Variants in MDGA2 observed in about 807,000 individuals in gnomAD.
MDGA2 encodes MAM domain containing glycosylphosphatidylinositol anchor 2.
MDGA2 carries 40 observed loss-of-function variants against 117.8 expected under a neutral mutation model. The ratio of observed to expected loss-of-function variants is 0.34; its 90% CI spans 0.26 to 0.44. MDGA2 has a LOEUF of 0.44. Among genes scored for constraint, MDGA2 ranks in the 20% least tolerant of loss-of-function variants. The pLI is 1.00. For missense variants in MDGA2, 1,123 were observed against 1,250.6 expected, an observed-to-expected ratio of 0.90 and a Z score of 1.54; for synonymous variants, 452 against 439.0, an observed-to-expected ratio of 1.03 and a Z score of -0.37.
intron 10 of MDGA2, among the ~76,000 whole-genome samples, chr14:46,914,738 T>G (rs1312638666): frequency 6.6e-6 from 1 of 152,114 alleles, no homozygotes; most frequent in East Asian, 1.9e-4. Flanking sequence ...GAATCGAATT[T>G]GTTTTCAGAC....
chr14:46,888,397 C>T (rs1392070141), intron 10 of MDGA2, among the ~76,000 whole-genome samples: 1 of 151,784 alleles, frequency 6.6e-6, no homozygotes, highest in Non-Finnish European at 1.5e-5. Context: ...AGTGTTAAAC[C>T]ATTTTCTTCA....
At chr14:47,050,398 T>C (rs1005621170) in intron 7 of MDGA2, among the ~76,000 whole-genome samples, 1 of 152,082 alleles carries the variant, frequency 6.6e-6, no homozygotes, top group African/African-American at 2.4e-5. Context: ...TTCTGTCTAC[T>C]TGTAACTTAC....
chr14:47,062,143 GA>G (rs1424485191), intron 6 of MDGA2, among the ~76,000 whole-genome samples: 1 of 151,952 alleles, frequency 6.6e-6, no homozygotes, highest in African/African-American at 2.4e-5. Context: ...AATCTGAACT[GA>G]AAAAGAAAAC....
chr14:47,030,239 G>A (rs191863349), intron 8 of MDGA2, among the ~76,000 whole-genome samples: 6 of 152,014 alleles, frequency 3.9e-5, no homozygotes, highest in East Asian at 3.9e-4. Flanking sequence ...TTGTTCAGGC[G>A]CAGTGACTCA....
At chr14:47,142,359 G>A (rs1241980498) in intron 4 of MDGA2, among the ~76,000 whole-genome samples, 3 of 152,138 alleles carry the variant, frequency 2.0e-5, no homozygotes, top group Middle Eastern at 3.4e-3. Flanking sequence ...CATGAGAAAC[G>A]CTTAAACCCT....
chr14:47,075,674 T>C (rs900673412), intron 6 of MDGA2, among the ~76,000 whole-genome samples: 5 of 152,168 alleles, frequency 3.3e-5, no homozygotes, highest in African/African-American at 1.2e-4. Flanking sequence ...ATAAAACATT[T>C]ATACACATTT....
At chr14:47,114,102 A>G (rs1187947090) in intron 5 of MDGA2, among the ~76,000 whole-genome samples, 2 of 152,152 alleles carry the variant, frequency 1.3e-5, no homozygotes, top group Non-Finnish European at 2.9e-5. Context: ...AAGCATTCCT[A>G]TACAGAAACA....
At chr14:47,627,200 G>A (rs1467057011) in intron 1 of MDGA2, among the ~76,000 whole-genome samples, 1 of 151,958 alleles carries the variant, frequency 6.6e-6, no homozygotes, top group Non-Finnish European at 1.5e-5. Flanking sequence ...AGCACCCCGT[G>A]CCTAGCTCAG....
intron 3 of MDGA2, among the ~76,000 whole-genome samples, chr14:47,156,714 A>C (rs1303040648): frequency 6.6e-6 from 1 of 152,236 alleles, no homozygotes; most frequent in Non-Finnish European, 1.5e-5. Flanking sequence ...AGACACACTA[A>C]AAACTATATT....
chr14:47,121,404 G>T (rs997958192), intron 5 of MDGA2, among the ~76,000 whole-genome samples: 14 of 151,668 alleles, frequency 9.2e-5, no homozygotes, highest in South Asian at 2.1e-4. Context: ...TACATTAAAT[G>T]GATATACAAT....
intron 1 of MDGA2, among the ~76,000 whole-genome samples, chr14:47,441,169 G>A (rs1893003695): frequency 1.3e-5 from 2 of 152,136 alleles, no homozygotes; most frequent in Admixed American, 1.3e-4. Context: ...AGCTCTTGAT[G>A]AGATCCTTTA....
chr14:47,309,646 T>C (rs1306245476), intron 1 of MDGA2, among the ~76,000 whole-genome samples: 1 of 152,100 alleles, frequency 6.6e-6, no homozygotes, highest in Non-Finnish European at 1.5e-5. Flanking sequence ...TTATTAACGT[T>C]TGCTAAATAA....
At chr14:47,356,910 G>C (rs1201511357) in intron 1 of MDGA2, among the ~76,000 whole-genome samples, 2 of 152,170 alleles carry the variant, frequency 1.3e-5, no homozygotes, top group African/African-American at 4.8e-5. Flanking sequence ...AATTTGGTAA[G>C]AGATAAACAA....
intron 1 of MDGA2, among the ~76,000 whole-genome samples, chr14:47,619,949 C>A (rs1317682378): frequency 6.6e-6 from 1 of 152,214 alleles, no homozygotes; most frequent in Non-Finnish European, 1.5e-5. Flanking sequence ...ACACAGCCAT[C>A]CACTTGATTC....
chr14:47,234,387 A>T (rs1442544679), intron 2 of MDGA2, among the ~76,000 whole-genome samples: 9 of 152,048 alleles, frequency 5.9e-5, no homozygotes, highest in Non-Finnish European at 1.3e-4. Context: ...TAAGGTTTGG[A>T]CATATCTGAA....
At chr14:47,550,123 G>A (rs1442033092) in intron 1 of MDGA2, among the ~76,000 whole-genome samples, 1 of 152,074 alleles carries the variant, frequency 6.6e-6, no homozygotes, top group Non-Finnish European at 1.5e-5. Flanking sequence ...GTTCCAAAAA[G>A]AACTCATAAC....
intron 8 of MDGA2, among the ~76,000 whole-genome samples, chr14:47,034,437 G>C (rs1009725282): frequency 6.6e-6 from 1 of 152,026 alleles, no homozygotes; most frequent in African/African-American, 2.4e-5. Context: ...CAGCACCTAA[G>C]ACTTTCCTGA....
intron 8 of MDGA2, among the ~76,000 whole-genome samples, chr14:46,981,731 G>C (rs1332822912): frequency 6.6e-6 from 1 of 152,160 alleles, no homozygotes; most frequent in Non-Finnish European, 1.5e-5. Flanking sequence ...ACAAGCTTTT[G>C]ATCACACAGA....
At chr14:47,450,183 G>A (rs1019060954) in intron 1 of MDGA2, among the ~76,000 whole-genome samples, 2 of 151,672 alleles carry the variant, frequency 1.3e-5, no homozygotes, top group African/African-American at 4.8e-5. Context: ...ATGGATTTGA[G>A]GTTTACTCCT....
Sources: gnomAD v4.1 joint callset for allele counts (sites outside exome capture counted in the v4.1 genomes callset) on GRCh38, gnomAD v4.1.1 for gene constraint, MANE v1.5 for transcripts, NCBI Gene and HGNC (gene_info 2026-07-23, HGNC 2026-07-21) for gene names.